The following HMGB1 variants were observed in gnomAD, a reference collection of about 807,000 sequenced individuals.
HMGB1 encodes the protein high mobility group protein B1.
For synonymous variants in HMGB1, 81 were observed against 84.0 expected (o/e 0.96, Z 0.19); for missense variants, 79 against 253.5 (o/e 0.31, Z 4.67).
chr13:30,565,547 A>G (rs1232246788), intron 1 of HMGB1, among the ~76,000 whole-genome samples: 1 of 152,216 alleles, frequency 6.6e-6, no homozygotes, highest in African/African-American at 2.4e-5. Flanking sequence ...AATCCTGCCA[A>G]ATTAGAACTT....
chr13:30,515,780 T>A (rs1426105219), intron 1 of HMGB1, among the ~76,000 whole-genome samples: 2 of 151,884 alleles, frequency 1.3e-5, no homozygotes, highest in Non-Finnish European at 2.9e-5. Context: ...CTTGAAACAT[T>A]TAATACACCC....
intron 1 of HMGB1, among the ~76,000 whole-genome samples, chr13:30,593,157 G>A (rs1248592042): frequency 6.6e-6 from 1 of 152,206 alleles, no homozygotes; most frequent in Non-Finnish European, 1.5e-5. Context: ...TCTTACAGGA[G>A]CAGCAGGGAT....
intron 1 of HMGB1, among the ~76,000 whole-genome samples, chr13:30,475,168 G>T (rs1386846374): frequency 9.3e-6 from 1 of 107,450 alleles, no homozygotes; most frequent in Non-Finnish European, 1.8e-5. Flanking sequence ...TTGAGACAGG[G>T]TCTCGCCTAG....
chr13:30,481,452 G>C (rs775770315), intron 1 of HMGB1, among the ~76,000 whole-genome samples: 1 of 152,340 alleles, frequency 6.6e-6, no homozygotes, highest in Admixed American at 6.5e-5. Flanking sequence ...TAAATGAAGG[G>C]TTAGATCTTA....
In HMGB1 at chr13:30,456,976, C is replaced by CAT. The variant is rs1219385621; in HGVS notation, c.*4379_*4380dup. On this transcript the variant is annotated 3_prime_UTR_variant, in exon 5 of 5. Transcript: ENST00000341423. ...GGGAATGATGAAAAATATTATGGAT[C>CAT]ATATACAAGTGAGATCGAAAAAAGA... 1 of 151,912 alleles carries CAT rather than the reference C, an allele frequency of 6.6e-6. No individual in the cohort carries two copies. Among genetic ancestry groups the CAT allele is most frequent in the Non-Finnish European group, 1.5e-5 (1 of 67,990 alleles). 9.4% of individuals were successfully genotyped at this position (151,912 alleles called of 1,614,324 possible).
At chr13:30,462,283 T>C (rs1593253597) in intron 4 of HMGB1, 2 of 488,112 alleles carry the variant, frequency 4.1e-6, no homozygotes, top group East Asian at 4.1e-5. Flanking sequence ...CTACCAACAT[T>C]TTCATGAACT....
At chr13:30,555,871 G>A (rs1869663488) in intron 1 of HMGB1, among the ~76,000 whole-genome samples, 1 of 152,132 alleles carries the variant, frequency 6.6e-6, no homozygotes, top group Non-Finnish European at 1.5e-5. Flanking sequence ...TCGTCAAAAA[G>A]GAATGTATAA....
intron 1 of HMGB1, among the ~76,000 whole-genome samples, chr13:30,580,249 T>C (rs1466221783): frequency 4.6e-5 from 7 of 152,228 alleles, no homozygotes. Context: ...CAAAAAGAAA[T>C]ATAAGTTCTG....
chr13:30,489,885 C>T (rs1467200786), intron 1 of HMGB1, among the ~76,000 whole-genome samples: 1 of 151,966 alleles, frequency 6.6e-6, no homozygotes, highest in Non-Finnish European at 1.5e-5. Context: ...CAGGCATGCA[C>T]CACCATGCCC....
intron 1 of HMGB1, among the ~76,000 whole-genome samples, chr13:30,589,740 C>T (rs1871296143): frequency 6.6e-6 from 1 of 151,980 alleles, no homozygotes; most frequent in Non-Finnish European, 1.5e-5. Context: ...AATGGTGGTA[C>T]ACACCTGTAA....
intron 1 of HMGB1, among the ~76,000 whole-genome samples, chr13:30,590,448 C>A (rs1871318919): frequency 6.6e-6 from 1 of 152,162 alleles, no homozygotes; most frequent in African/African-American, 2.4e-5. Flanking sequence ...GATCCACCTG[C>A]CTTGGCCTCC....
At chr13:30,522,887 T>C (rs1421471579) in intron 1 of HMGB1, among the ~76,000 whole-genome samples, 3 of 152,186 alleles carry the variant, frequency 2.0e-5, no homozygotes, top group African/African-American at 7.2e-5. Flanking sequence ...GGCTCATTTT[T>C]GTATTTTTAG....
chr13:30,553,970 G>A (rs530030712), intron 1 of HMGB1: 27 of 1,486,832 alleles, frequency 1.8e-5, no homozygotes, highest in East Asian at 2.3e-5. Context: ...TCTGGCTTAC[G>A]GTTTGGCAGC....
At chr13:30,584,921 G>C (rs1871077123) in intron 1 of HMGB1, among the ~76,000 whole-genome samples, 1 of 152,172 alleles carries the variant, frequency 6.6e-6, no homozygotes, top group African/African-American at 2.4e-5. Context: ...GCCGAGGAGG[G>C]AGGATCACTT....
At chr13:30,463,086 G>C in intron 3 of HMGB1, 121 bp downstream of exon 3, 1 of 976,578 alleles carries the variant, frequency 1.0e-6, no homozygotes, top group Non-Finnish European at 1.6e-6. Context: ...ATATGAACAA[G>C]TATTAGCTAA....
At chr13:30,598,302 T>A (rs1488826745) in intron 1 of HMGB1, among the ~76,000 whole-genome samples, 3 of 152,238 alleles carry the variant, frequency 2.0e-5, no homozygotes, top group African/African-American at 7.2e-5. Context: ...GCTAAGCACA[T>A]ATACAGAAAG....
At chr13:30,471,513 A>G (rs1363025833) in intron 1 of HMGB1, among the ~76,000 whole-genome samples, 1 of 148,128 alleles carries the variant, frequency 6.8e-6, no homozygotes, top group African/African-American at 2.5e-5. Context: ...ACACCTGGCT[A>G]ATTTTTTTTT....
intron 1 of HMGB1, among the ~76,000 whole-genome samples, chr13:30,564,278 CAAAAAAA>C (rs60208654): frequency 9.4e-6 from 1 of 105,842 alleles, no homozygotes; most frequent in Non-Finnish European, 2.0e-5. Flanking sequence ...ACTAAAAATG[CAAAAAAA>C]AAAAAAAAAA....
intron 1 of HMGB1, among the ~76,000 whole-genome samples, chr13:30,538,511 C>CTTTA (rs1566018805): frequency 3.7e-5 from 3 of 80,444 alleles, no homozygotes; most frequent in African/African-American, 3.2e-4. Flanking sequence ...TCTTTCTTTC[C>CTTTA]TTTCTTTCTT....
Sources: gnomAD v4.1 joint callset for allele counts (sites outside exome capture counted in the v4.1 genomes callset) on GRCh38, gnomAD v4.1.1 for gene constraint, MANE v1.5 for transcripts, NCBI Gene and HGNC (gene_info 2026-07-23, HGNC 2026-07-21) for gene names.